Variants in MTHFD2L observed in about 807,000 individuals in gnomAD.
MTHFD2L encodes the protein methylenetetrahydrofolate dehydrogenase (NADP+ dependent) 2 like.
MTHFD2L carries 29 observed loss-of-function variants against 34.9 expected under a neutral mutation model. That is an observed-to-expected ratio of 0.83 (90% confidence interval 0.62 to 1.13). The LOEUF (loss-of-function observed/expected upper bound fraction) is 1.13. Among genes scored for constraint, MTHFD2L ranks in the 50% most tolerant of loss-of-function variants. The pLI is 0.00. For missense variants in MTHFD2L, 481 were observed against 446.5 expected (o/e 1.08, Z -0.70); for synonymous variants, 167 against 155.7 (o/e 1.07, Z -0.54).
chr4:74,293,265 A>G (rs1218544719), intron 7 of MTHFD2L, among the ~76,000 whole-genome samples: 1 of 150,478 alleles, frequency 6.6e-6, no homozygotes, highest in Non-Finnish European at 1.5e-5. Flanking sequence ...TCATTGTTCA[A>G]CTCCCACTTA....
rs61173269 is a variant in MTHFD2L at position 74,187,800 on chromosome 4, T to TACACACACACACACAC, written c.452-11974_452-11959dup. On this transcript the variant is annotated intron_variant, in intron 3 of 7. Coordinates refer to ENST00000325278, the MANE Select transcript of MTHFD2L (RefSeq NM_001144978.3). ...TCCAGCCATTCTGTGCCTGTGTATT[T>TACACACACACACACAC]ACACACACACACACACACACACACA... Among the ~76,000 whole-genome samples, 1,186 of 144,328 alleles carry TACACACACACACACAC rather than the reference T, an allele frequency of 8.2e-3. 18 individuals are homozygous for TACACACACACACACAC. Among genetic ancestry groups the TACACACACACACACAC allele is most frequent in the East Asian group, 0.025 (122 of 4,916 alleles). The allele number at this position is 144,328 out of a possible 152,430, so 94.7% of individuals were successfully genotyped here.
intron 6 of MTHFD2L, among the ~76,000 whole-genome samples, chr4:74,250,174 A>G (rs1743101067): frequency 6.6e-6 from 1 of 151,986 alleles, no homozygotes; most frequent in Admixed American, 6.6e-5. Context: ...GGCTTTGTTC[A>G]TTTCTTTTTA....
At chr4:74,124,355 T>C (rs1721929304), upstream of MTHFD2L, among the ~76,000 whole-genome samples, 2 of 151,972 alleles carry the variant, frequency 1.3e-5, no homozygotes, top group African/African-American at 4.8e-5. Context: ...ATATATCTGT[T>C]GATAAGATCA....
chr4:74,129,660 T>A (rs1487264770), intron 1 of MTHFD2L, among the ~76,000 whole-genome samples: 1 of 151,768 alleles, frequency 6.6e-6, no homozygotes, highest in Non-Finnish European at 1.5e-5. Flanking sequence ...ATCCTAACAT[T>A]ACAATTAAGA....
At position 74,199,892 on chromosome 4, in the gene MTHFD2L, C is replaced by T. The variant is rs1273027213; in HGVS notation, c.550C>T (p.His184Tyr). Residue 184 changes from histidine (H) to tyrosine (Y), a missense_variant, in exon 4 of 8, where the codon CAT becomes TAT. By Grantham distance (83) the His-to-Tyr change is moderately conservative. Transcript: ENST00000325278. ...INIGRLCLDQHSLIPATASAV... is the reference protein window; with the variant it reads ...INIGRLCLDQYSLIPATASAV... Reference sequence around the variant, plus strand: ...TATTGGAAGATTGTGCCTTGATCAGCATTCTCTCATACCTGCCACTGCCAG... The same window carrying T: ...TATTGGAAGATTGTGCCTTGATCAGTATTCTCTCATACCTGCCACTGCCAG... 8 of 1,613,958 alleles carry T rather than the reference C, an allele frequency of 5.0e-6. No individual in the cohort carries two copies. Among genetic ancestry groups the T allele is most frequent in the Non-Finnish European group, 6.8e-6 (8 of 1,179,944 alleles).
In MTHFD2L at chr4:74,278,157, G is replaced by A. The variant is rs112836994; in HGVS notation, c.806-3268G>A. Among the ~76,000 whole-genome samples the A allele has an allele frequency of 7.4e-3, 1,124 of 152,196 alleles. 22 individuals are homozygous for A. Among genetic ancestry groups the A allele is most frequent in the African/African-American group, 0.026 (1,077 of 41,536 alleles). On this transcript the variant is annotated intron_variant, in intron 6 of 7. Transcript: ENST00000325278. The stretch of plus-strand genomic sequence containing the variant: ...TGAACCAGCTAGTTTGATAGCAAGT[G>A]ATAAGAATTTGACATGATTTCTAGA...
At chr4:74,259,038 C>G (rs1388379849) in intron 6 of MTHFD2L, among the ~76,000 whole-genome samples, 1 of 152,180 alleles carries the variant, frequency 6.6e-6, no homozygotes, top group Non-Finnish European at 1.5e-5. Flanking sequence ...AAGAGAAATG[C>G]AAGTCTGTGG....
chr4:74,117,752 G>T (rs1162359030), intron 2 of MTHFD2L, among the ~76,000 whole-genome samples: 1 of 152,180 alleles, frequency 6.6e-6, no homozygotes, highest in Non-Finnish European at 1.5e-5. Flanking sequence ...GCACACAGAT[G>T]TAAACACTCT....
chr4:74,258,845 T>A (rs568146985), intron 6 of MTHFD2L, among the ~76,000 whole-genome samples: 2 of 152,276 alleles, frequency 1.3e-5, no homozygotes, highest in Non-Finnish European at 1.5e-5. Context: ...TCAGGAAAAC[T>A]ATGGACAGGG....
At chr4:74,159,024 C>G (rs1470320603) in intron 1 of MTHFD2L, among the ~76,000 whole-genome samples, 2 of 152,192 alleles carry the variant, frequency 1.3e-5, no homozygotes, top group South Asian at 2.1e-4. Context: ...TCCAGAAATG[C>G]GCTTTCATTG....
At chr4:74,184,039 A>G (rs1730682537) in intron 3 of MTHFD2L, 1 of 152,186 alleles carries the variant, frequency 6.6e-6, no homozygotes, top group Non-Finnish European at 1.5e-5. Context: ...CATGTATAAT[A>G]TGAAACCGAA....
chr4:74,274,443 T>C (rs1201414921), intron 6 of MTHFD2L, among the ~76,000 whole-genome samples: 1 of 152,156 alleles, frequency 6.6e-6, no homozygotes, highest in East Asian at 1.9e-4. Context: ...ATTGTAACAG[T>C]AGGAGAGACC....
At position 74,131,685 on chromosome 4, in the gene MTHFD2L, T is replaced by C. The variant is rs971403309; in HGVS notation, c.-297+6168T>C. On this transcript the variant is annotated intron_variant, in intron 1 of 7. Transcript: ENST00000433372. Reference sequence around the variant, plus strand: ...GACACAGGCATGGGCAAAGTCTTCATGACTAAAACACCAAAAGCAATGGCA... The same window carrying C: ...GACACAGGCATGGGCAAAGTCTTCACGACTAAAACACCAAAAGCAATGGCA... Among the ~76,000 whole-genome samples, 203 of 152,292 alleles carry C rather than the reference T, an allele frequency of 1.3e-3. 1 individual carries two copies. The highest frequency in any genetic ancestry group is 4.7e-3 in the African/African-American group (196 of 41,566).
At chr4:74,162,014 C>G (rs932344688) in intron 1 of MTHFD2L, 3 of 152,148 alleles carry the variant, frequency 2.0e-5, no homozygotes, top group African/African-American at 4.8e-5. Flanking sequence ...TTAAGAAATT[C>G]ACTTTGGATC....
chr4:74,268,451 A>G (rs191305453), intron 6 of MTHFD2L, among the ~76,000 whole-genome samples: 10 of 152,074 alleles, frequency 6.6e-5, no homozygotes, highest in East Asian at 1.9e-4. Context: ...CTGACTCATC[A>G]TTGTGAAACC....
At chr4:74,287,761 T>C (rs1748373973) in intron 7 of MTHFD2L, among the ~76,000 whole-genome samples, 1 of 152,044 alleles carries the variant, frequency 6.6e-6, no homozygotes, top group Non-Finnish European at 1.5e-5. Context: ...AATAAGATAA[T>C]TTGGCTCTTT....
chr4:74,119,079 G>C (rs190712195), upstream of MTHFD2L, among the ~76,000 whole-genome samples: 10 of 152,312 alleles, frequency 6.6e-5, no homozygotes, highest in East Asian at 1.9e-3. Flanking sequence ...TCAAAACCCT[G>C]TCAGTGAGTG....
At chr4:74,270,168 T>TTTA (rs572789764) in intron 6 of MTHFD2L, among the ~76,000 whole-genome samples, 56 of 151,662 alleles carry the variant, frequency 3.7e-4, no homozygotes, top group African/African-American at 6.0e-4. Context: ...TTTTTTTCTT[T>TTTA]TTATTATTAT....
At chr4:74,249,488 G>A (rs1184246952) in intron 6 of MTHFD2L, among the ~76,000 whole-genome samples, 2 of 151,978 alleles carry the variant, frequency 1.3e-5, no homozygotes, top group African/African-American at 4.8e-5. Flanking sequence ...TACATTTAAA[G>A]TTAATATTGT....
Sources: gnomAD v4.1 joint callset for allele counts (sites outside exome capture counted in the v4.1 genomes callset) on GRCh38, gnomAD v4.1.1 for gene constraint, MANE v1.5 for transcripts, NCBI Gene and HGNC (gene_info 2026-07-23, HGNC 2026-07-21) for gene names.